Variants in FCHSD1 observed in about 807,000 individuals in gnomAD.
FCHSD1 encodes F-BAR and double SH3 domains protein 1.
FCHSD1 carries 109 observed loss-of-function variants against 101.3 expected under a neutral mutation model. That is an observed-to-expected ratio of 1.08 (90% CI 0.92 to 1.26). FCHSD1 has a LOEUF of 1.26. Among genes scored for constraint, FCHSD1 ranks in the 50% most tolerant of loss-of-function variants. The pLI, the probability that FCHSD1 is intolerant of heterozygous loss-of-function variation, is 0.00. For missense variants in FCHSD1, 820 were observed against 895.8 expected, an observed-to-expected ratio of 0.92 and a Z score of 1.08; for synonymous variants, 291 against 356.8, an observed-to-expected ratio of 0.82 and a Z score of 2.08.
Position 141,649,569 on chromosome 5 carries a change from G to A in FCHSD1, c.234-33C>T, listed in dbSNP as rs2099908108. On this transcript the variant is annotated intron_variant, in intron 4 of 19. Transcript: ENST00000435817. The surrounding 1 kb of genome is among the most constrained non-coding windows in gnomAD (Gnocchi z 4.1). Reference sequence around the variant, plus strand: ...GAGAAGGTCTGTGTTGAGGAGGAGAGCACTCCACAGCTTCATGAGACCACC... The same window carrying A: ...GAGAAGGTCTGTGTTGAGGAGGAGAACACTCCACAGCTTCATGAGACCACC... 1.3e-6 allele frequency: 2 copies of A among 1,596,072 alleles called. No individual in the cohort carries two copies. Among genetic ancestry groups the A allele is most frequent in the African/African-American group, 1.3e-5 (1 of 74,658 alleles).
chr5:141,645,710 G>T (rs2099907569), intron 13 of FCHSD1, 61 bp downstream of exon 13: 1 of 1,531,800 alleles, frequency 6.5e-7, no homozygotes, highest in African/African-American at 1.4e-5. Flanking sequence ...TATAGGGTTT[G>T]CCTTCCACTG....
chr5:141,641,667 C>T (rs377496129), intron 19 of FCHSD1, 35 bp downstream of exon 19: 3 of 1,613,488 alleles, frequency 1.9e-6, no homozygotes, highest in Non-Finnish European at 2.5e-6. Flanking sequence ...AATAACCCCT[C>T]TACATACAAT....
At chr5:141,645,726 T>C in intron 13 of FCHSD1, 45 bp downstream of exon 13, 1 of 1,569,980 alleles carries the variant, frequency 6.4e-7, no homozygotes, top group Non-Finnish European at 8.7e-7. Context: ...CACTGGAGTT[T>C]TTCCCTTCTA....
chr5:141,642,881 G>C, intron 18 of FCHSD1, 120 bp downstream of exon 18: 1 of 961,226 alleles, frequency 1.0e-6, no homozygotes, highest in Non-Finnish European at 1.5e-6. Flanking sequence ...CCAGGCAAGT[G>C]CTCTCCACCA....
At chr5:141,647,609 A>C (rs1047583037) in intron 8 of FCHSD1, 89 bp from the exon 9 acceptor site, 2 of 1,573,880 alleles carry the variant, frequency 1.3e-6, no homozygotes, top group Non-Finnish European at 8.6e-7. Flanking sequence ...GGTGATGGGC[A>C]TGAGGTATAG....
chr5:141,639,938 T>C lies in FCHSD1; in HGVS notation c.*1560A>G. ...CTCCCAGGTTCCGGGTGACACACAT[T>C]GAGAAGCGCTATGGACTGCACGAAC... On this transcript the variant is annotated 3_prime_UTR_variant, in exon 20 of 20. Coordinates refer to ENST00000435817, the MANE Select transcript of FCHSD1 (RefSeq NM_033449.3). The surrounding 1 kb of genome is among the most constrained non-coding windows in gnomAD (Gnocchi z 4.4). 3 of 1,611,436 alleles carry C rather than the reference T, an allele frequency of 1.9e-6. No homozygotes were observed. Among genetic ancestry groups the C allele is most frequent in the Non-Finnish European group, 2.5e-6 (3 of 1,178,024 alleles).
chr5:141,642,312 A>C (rs1470508320), intron 18 of FCHSD1: 1 of 626,096 alleles, frequency 1.6e-6, no homozygotes, highest in Non-Finnish European at 2.8e-6. Flanking sequence ...GTACACATGG[A>C]CATAGAGATG....
Position 141,649,612 on chromosome 5 carries a change from G to C in FCHSD1, c.234-76C>G. ...AGACCACCCCCACCCCCTGCCCCCT[G>C]ACCAACACCATGGGAGACAGAGTGC... On this transcript the variant is annotated intron_variant, in intron 4 of 19. Transcript: ENST00000435817. This position sits in a 1 kb window ranked among gnomAD's most constrained non-coding sequence, Gnocchi z 4.1. The C allele has an allele frequency of 1.3e-5, 19 of 1,478,848 alleles. No individual in the cohort carries two copies. The highest frequency in any genetic ancestry group is 1.7e-5 in the Non-Finnish European group (19 of 1,116,718). The allele number at this position is 1,478,848 out of a possible 1,614,324, so 91.6% of individuals were successfully genotyped here.
chr5:141,645,794 A>C lies in FCHSD1; in HGVS notation c.1288T>G (p.Ser430Ala). The change falls in exon 13 of 20, where the codon TCC becomes GCC. Residue 430 changes from serine to alanine, a missense_variant. Transcript: ENST00000435817. ...ACGGTTGGAGAGAGGTCCCTCTGGG[A>C]CAGCCGAGCCTCACTGAGCCGCCGC... is the stretch of plus-strand genomic sequence containing the variant. The part of the protein sequence containing the change: ...QERRLSEARL[S>A]QRDLSPTAED... 6.2e-7 allele frequency: 1 copy of C among 1,611,208 alleles called. No homozygotes were observed.
At position 141,648,090 on chromosome 5, in the gene FCHSD1, C is replaced by T. The variant is rs961259622; in HGVS notation, c.583G>A (p.Ala195Thr). The change falls in exon 8 of 20, where the codon GCC becomes ACC. Residue 195 changes from alanine (A) to threonine (T), a missense_variant. Coordinates refer to ENST00000435817, the MANE Select transcript of FCHSD1 (RefSeq NM_033449.3). ...SLQKLSTKLS[A>T]QSAQYSQQLQ... The stretch of plus-strand genomic sequence containing the variant: ...TGCTGGGAGTACTGGGCTGACTGGG[C>T]GGACAGCTAGGAGGGTAAACTGATG... 3.7e-6 allele frequency: 6 copies of T among 1,610,772 alleles called. No homozygotes were observed. Among genetic ancestry groups the T allele is most frequent in the African/African-American group, 2.7e-5 (2 of 75,000 alleles).
chr5:141,651,180 G>A (rs965849458), intron 1 of FCHSD1, 63 bp from the exon 2 acceptor site: 12 of 1,508,446 alleles, frequency 8.0e-6, no homozygotes, highest in South Asian at 1.2e-5. Context: ...TCCGCGCAGG[G>A]AGCGGTGAGG....
At chr5:141,642,403 G>C in intron 18 of FCHSD1, 1 of 694,230 alleles carries the variant, frequency 1.4e-6, no homozygotes, top group Non-Finnish European at 2.6e-6. Context: ...TTACCTATCA[G>C]GTACAATGTT....
At position 141,644,598 on chromosome 5, in the gene FCHSD1, G is replaced by A. The variant is rs758826992; in HGVS notation, c.1617C>T (p.Asp539=). The change falls in exon 16 of 20, where the codon GAC becomes GAT. Residue 539 remains aspartate (D), a synonymous_variant. Coordinates refer to ENST00000435817, the MANE Select transcript of FCHSD1 (RefSeq NM_033449.3). ...LSLPESSQDS[D]NPCGAEPTAF... ...CTGTGGGCTCTGCCCCGCAGGGATT[G>A]TCACTGTCTTGGCTGCTCTCTGGGA... 2 of 1,613,992 alleles carry A rather than the reference G, an allele frequency of 1.2e-6. No individual in the cohort carries two copies. The highest frequency in any genetic ancestry group is 1.7e-6 in the Non-Finnish European group (2 of 1,179,876).
At position 141,645,879 on chromosome 5, in the gene FCHSD1, T is replaced by C; in HGVS notation, c.1203A>G (p.Leu401=). The change falls in exon 13 of 20, where the codon TTA becomes TTG. Residue 401 remains leucine, a synonymous_variant. Coordinates refer to ENST00000435817, the MANE Select transcript of FCHSD1 (RefSeq NM_033449.3). The part of the protein sequence containing the change: ...ARLALLQGAG[L]DVERWLKPAM... ...CTGGCTTCAGCCAGCGCTCCACATC[T>C]AAGCCAGCCCCCTGCAGCAGGGCCA... 1 of 1,587,286 alleles carries C rather than the reference T, an allele frequency of 6.3e-7. No individual in the cohort carries two copies. The highest frequency in any genetic ancestry group is 8.6e-7 in the Non-Finnish European group (1 of 1,166,638).
At position 141,641,750 on chromosome 5, in the gene FCHSD1, G is replaced by A. The variant is rs1159729963; in HGVS notation, c.1959C>T (p.Ala653=). The change falls in exon 19 of 20, where the codon GCC becomes GCT. Residue 653 remains alanine (A), a synonymous_variant. Coordinates refer to ENST00000435817, the MANE Select transcript of FCHSD1 (RefSeq NM_033449.3). ...TGTCCAGGAACCCAGGGAAGTCCAG[G>A]GCTTTGTCTGGAAATAAGAACCACA... The part of the protein sequence containing the change: ...PPAPVLPGDK[A]LDFPGFLDMM... The A allele has an allele frequency of 6.2e-7, 1 of 1,614,004 alleles. No homozygotes were observed. The highest frequency in any genetic ancestry group is 2.2e-5 in the East Asian group (1 of 44,888).
Position 141,645,144 on chromosome 5 carries a change from T to C in FCHSD1, c.1316A>G (p.Glu439Gly). The stretch of plus-strand genomic sequence containing the variant: ...CTCAAAGTCAGAAAGCTCAGCATCC[T>C]CAGCCTAGAGGGGCAAAGAACAGAC... ...LSQRDLSPTA[E>G]DAELSDFEEC... is the part of the protein sequence containing the mutation. The change falls in exon 14 of 20, where the codon GAG (glutamate) becomes GGG (glycine). Residue 439 changes from glutamate to glycine, a missense_variant. Coordinates refer to ENST00000435817, the MANE Select transcript of FCHSD1 (RefSeq NM_033449.3). The C allele has an allele frequency of 6.5e-7, 1 of 1,549,962 alleles. No homozygotes were observed. Among genetic ancestry groups the C allele is most frequent in the Non-Finnish European group, 8.7e-7 (1 of 1,147,768 alleles).
rs1454768116 is a variant in FCHSD1, at chr5:141,650,053, C to T, written c.166-99G>A. The T allele has an allele frequency of 4.0e-6, 5 of 1,248,690 alleles. No individual in the cohort carries two copies. In the South Asian group the frequency reaches 4.6e-5, roughly 11 times the overall value. 77.4% of individuals were successfully genotyped at this position (1,248,690 alleles called of 1,614,324 possible). ...GTATAATCATACCATTCTTTGGGTA[C>T]ATTATGTGCCACTTGCTTTGCTAAA... is the stretch of plus-strand genomic sequence containing the variant. On this transcript the variant is annotated intron_variant, in intron 3 of 19. Transcript: ENST00000435817.
rs1440699840 is a variant in FCHSD1 at position 141,648,089 on chromosome 5, G to A, written c.584C>T (p.Ala195Val). 6.2e-7 allele frequency: 1 copy of A among 1,611,702 alleles called. No homozygotes were observed. Among genetic ancestry groups the A allele is most frequent in the South Asian group, 1.1e-5 (1 of 90,932 alleles). The change falls in exon 8 of 20, where the codon GCC becomes GTC. Residue 195 changes from alanine (A) to valine (V), a missense_variant. Ala to Val is a moderately conservative substitution (Grantham distance 64). Transcript: ENST00000435817. ...SLQKLSTKLS[A>V]QSAQYSQQLQ... is the part of the protein sequence containing the mutation. The stretch of plus-strand genomic sequence containing the variant: ...CTGCTGGGAGTACTGGGCTGACTGG[G>A]CGGACAGCTAGGAGGGTAAACTGAT...
chr5:141,641,459 G>A lies in FCHSD1; in HGVS notation c.*39C>T, dbSNP rs201722475. On this transcript the variant is annotated 3_prime_UTR_variant, in exon 20 of 20. Transcript: ENST00000435817. Reference sequence around the variant, plus strand: ...GTGTGGTCTGACAGCTTGAAGATAGGGACAGCAGCATCACTGGGGGTCAAG... The same window carrying A: ...GTGTGGTCTGACAGCTTGAAGATAGAGACAGCAGCATCACTGGGGGTCAAG... 5 of 1,445,390 alleles carry A rather than the reference G, an allele frequency of 3.5e-6. No individual in the cohort carries two copies. The African/African-American group carries it at 7.1e-5, about 21-fold the overall frequency. 89.5% of individuals were successfully genotyped at this position (1,445,390 alleles called of 1,614,324 possible).
Sources: gnomAD v4.1 joint callset for allele counts on GRCh38, gnomAD v4.1.1 for gene constraint, Gnocchi (gnomAD v3.1) non-coding constraint, MANE v1.5 for transcripts, NCBI Gene and HGNC (gene_info 2026-07-23, HGNC 2026-07-21) for gene names.